PTPRG: variants seen among roughly 807,000 people sequenced by gnomAD.
PTPRG encodes receptor-type tyrosine-protein phosphatase gamma.
Under a neutral mutation model 165.3 loss-of-function variants are expected in PTPRG, and 102 were observed. The observed-to-expected ratio is 0.62, with a 90% CI of 0.53 to 0.73. PTPRG has a LOEUF of 0.73. Among genes scored for constraint, PTPRG ranks in the 30% least tolerant of loss-of-function variants. The pLI is 0.00. For synonymous variants in PTPRG, 675 were observed against 669.5 expected (o/e 1.01, Z -0.13); for missense variants, 1,866 against 1,861.4 (o/e 1.00, Z -0.05).
At position 62,252,609 on chromosome 3, in the gene PTPRG, C is replaced by A. The variant is rs887839152; in HGVS notation, c.2468-2515C>A. ...CCAGATAAAAATTGAGCTGATTAGG[C>A]CTCTGATGCTGTCCTAATTGCTTGG... On this transcript the variant is annotated intron_variant, in intron 15 of 29. Transcript: ENST00000474889. This position sits in a 1 kb window ranked among gnomAD's most constrained non-coding sequence, Gnocchi z 4.6. 2.0e-5 allele frequency among the ~76,000 whole-genome samples: 3 copies of A among 152,120 alleles called. No homozygotes were observed. Among genetic ancestry groups the A allele is most frequent in the African/African-American group, 7.2e-5 (3 of 41,434 alleles).
intron 1 of PTPRG, among the ~76,000 whole-genome samples, chr3:61,592,392 C>T (rs940581557): frequency 2.6e-5 from 4 of 152,108 alleles, no homozygotes; most frequent in Non-Finnish European, 4.4e-5. Context: ...GTAAGTCAAT[C>T]AGCATGAATA....
At chr3:62,098,655 T>C in intron 5 of PTPRG, among the ~76,000 whole-genome samples, 1 of 152,234 alleles carries the variant, frequency 6.6e-6, no homozygotes. Context: ...GTAGCTTTTA[T>C]TTCTGTATTC....
At chr3:62,292,387 A>C in intron 28 of PTPRG, 34 bp from the exon 29 acceptor site, 1 of 1,597,294 alleles carries the variant, frequency 6.3e-7, no homozygotes, top group East Asian at 2.2e-5. Context: ...CCCTTTGTAC[A>C]TCTGAAATCG....
chr3:61,841,500 T>C (rs181702060), intron 2 of PTPRG, among the ~76,000 whole-genome samples: 80 of 152,308 alleles, frequency 5.3e-4, no homozygotes, highest in Non-Finnish European at 8.8e-4. Context: ...AGGTACAAAG[T>C]GGACTCTTTT....
chr3:61,852,773 G>A (rs13060905), intron 2 of PTPRG, among the ~76,000 whole-genome samples: 28,920 of 152,214 alleles, frequency 0.19, 3,565 homozygotes, highest in Middle Eastern at 0.29. Context: ...ATGTGTGAAA[G>A]CACCATGCAA....
intron 1 of PTPRG, among the ~76,000 whole-genome samples, chr3:61,679,579 GTT>G (rs1703357163): frequency 6.6e-6 from 1 of 152,060 alleles, no homozygotes; most frequent in Admixed American, 6.6e-5. Context: ...GAGTCCAGGA[GTT>G]TGAGAACAGC....
At chr3:61,629,860 T>G (rs1701720628) in intron 1 of PTPRG, among the ~76,000 whole-genome samples, 1 of 152,242 alleles carries the variant, frequency 6.6e-6, no homozygotes, top group African/African-American at 2.4e-5. Context: ...GTAACATGTC[T>G]TCAGCTTTAG....
intron 2 of PTPRG, among the ~76,000 whole-genome samples, chr3:61,969,667 C>T (rs2040341996): frequency 6.6e-6 from 1 of 152,068 alleles, no homozygotes; most frequent in African/African-American, 2.4e-5. Context: ...CTCGGTCACC[C>T]TCAGTCCCTG....
chr3:61,918,141 C>T (rs1287955340), intron 2 of PTPRG, among the ~76,000 whole-genome samples: 5 of 151,984 alleles, frequency 3.3e-5, no homozygotes, highest in Non-Finnish European at 2.9e-5. Context: ...GAGGCAAAGG[C>T]AGGATGGTGG....
chr3:62,228,451 A>G lies in PTPRG; in HGVS notation c.2289-2774A>G, dbSNP rs1700815777. Among the ~76,000 whole-genome samples the G allele has an allele frequency of 6.6e-6, 1 of 151,380 alleles. No individual in the cohort carries two copies. Among genetic ancestry groups the G allele is most frequent in the African/African-American group, 2.4e-5 (1 of 41,146 alleles). On this transcript the variant is annotated intron_variant, in intron 13 of 29. Transcript: ENST00000474889. The surrounding 1 kb of genome is among the most constrained non-coding windows in gnomAD (Gnocchi z 4.1). ...GCAGAGAATTGCTTAAAATCAGAGG[A>G]TGCAGTAGGTGGAGATCACGCCATT...
intron 6 of PTPRG, 67 bp downstream of exon 6, chr3:62,132,735 C>G: frequency 1.4e-6 from 2 of 1,391,990 alleles, no homozygotes; most frequent in Non-Finnish European, 2.0e-6. Flanking sequence ...CTAAAAGAAT[C>G]AGGTTATCTT....
At chr3:62,019,028 G>T (rs2041618629) in intron 4 of PTPRG, among the ~76,000 whole-genome samples, 1 of 152,160 alleles carries the variant, frequency 6.6e-6, no homozygotes. Flanking sequence ...ATGAAACCAG[G>T]ACCTGCAGAA....
intron 2 of PTPRG, among the ~76,000 whole-genome samples, chr3:61,813,368 A>T (rs1309901358): frequency 2.7e-5 from 4 of 147,244 alleles, no homozygotes. Context: ...TAGAAAAATT[A>T]GTTGGGTGTG....
intron 4 of PTPRG, among the ~76,000 whole-genome samples, chr3:62,035,441 G>T (rs1043232792): frequency 3.9e-5 from 6 of 151,962 alleles, no homozygotes; most frequent in African/African-American, 1.5e-4. Flanking sequence ...ATGCATTAAA[G>T]TGTCAGTAGA....
At chr3:62,098,380 A>C (rs918117413) in intron 5 of PTPRG, among the ~76,000 whole-genome samples, 1 of 152,218 alleles carries the variant, frequency 6.6e-6, no homozygotes, top group Non-Finnish European at 1.5e-5. Flanking sequence ...CAAGAAGATG[A>C]GTATAGGCTG....
chr3:62,242,652 T>C (rs559829648), intron 14 of PTPRG, among the ~76,000 whole-genome samples: 11 of 152,314 alleles, frequency 7.2e-5, no homozygotes, highest in African/African-American at 2.6e-4. Flanking sequence ...TTTTATAGTT[T>C]CTTGATTTTT....
chr3:62,018,266 G>A (rs887960894), intron 4 of PTPRG, among the ~76,000 whole-genome samples: 14 of 152,122 alleles, frequency 9.2e-5, no homozygotes, highest in Admixed American at 2.0e-4. Context: ...AGTAATTTTC[G>A]TTCATTCCTT....
intron 1 of PTPRG, among the ~76,000 whole-genome samples, chr3:61,707,287 T>C (rs1022944668): frequency 8.5e-4 from 129 of 152,324 alleles, no homozygotes; most frequent in African/African-American, 2.9e-3. Flanking sequence ...TCCAGAGAAA[T>C]AGAACCAACG....
intron 8 of PTPRG, among the ~76,000 whole-genome samples, chr3:62,176,726 G>A (rs1220861976): frequency 3.3e-5 from 5 of 151,996 alleles, no homozygotes; most frequent in Non-Finnish European, 1.5e-5. Flanking sequence ...CTGTACCGTG[G>A]GGCCATTTAG....
Sources: allele counts gnomAD v4.1 joint callset (sites outside exome capture counted in the v4.1 genomes callset), GRCh38; gene constraint gnomAD v4.1.1; non-coding constraint Gnocchi (gnomAD v3.1); transcripts MANE v1.5; gene names NCBI Gene and HGNC (gene_info 2026-07-23, HGNC 2026-07-21).